The following GRM8 variants were observed in gnomAD, a reference collection of about 807,000 sequenced individuals.
GRM8 encodes the protein glutamate metabotropic receptor 8.
GRM8 carries 47 observed loss-of-function variants against 87.2 expected under a neutral mutation model. The ratio of observed to expected loss-of-function variants is 0.54; its 90% CI spans 0.43 to 0.69. The LOEUF (loss-of-function observed/expected upper bound fraction) is 0.69, where lower values mean the gene tolerates loss of function less well. GRM8 is among the 30% of genes least tolerant of loss of function. The pLI is 0.00. For synonymous variants in GRM8, 396 were observed against 404.5 expected (o/e 0.98, Z 0.25); for missense variants, 1,019 against 1,139.2 (o/e 0.89, Z 1.52).
intron 8 of GRM8, among the ~76,000 whole-genome samples, chr7:126,536,655 A>G (rs980289451): frequency 1.3e-5 from 2 of 152,152 alleles, no homozygotes; most frequent in African/African-American, 2.4e-5. Flanking sequence ...AAAAATACTG[A>G]GAAAAAAAAT....
chr7:126,904,094 T>C lies in GRM8; in HGVS notation c.896A>G (p.Gln299Arg), dbSNP rs1802438434. Residue 299 changes from glutamine to arginine, a missense_variant, in exon 5 of 11, where the codon CAA (glutamine) becomes CGA (arginine). Coordinates refer to ENST00000339582, the MANE Select transcript of GRM8 (RefSeq NM_000845.3). ...RILEAAKKLN[Q>R]SGHFLWIGSD... is the part of the protein sequence containing the mutation. ...GCCAATCCAGAGAAAATGCCCACTT[T>C]GGTTTAGTTTTTTTGCTGCTTCCAA... 2 of 1,612,404 alleles carry C rather than the reference T, an allele frequency of 1.2e-6. No homozygotes were observed. Among genetic ancestry groups the C allele is most frequent in the Non-Finnish European group, 1.7e-6 (2 of 1,178,936 alleles).
chr7:126,452,414 C>T (rs995700967), intron 9 of GRM8, among the ~76,000 whole-genome samples: 4 of 141,438 alleles, frequency 2.8e-5, no homozygotes, highest in East Asian at 2.1e-4. Context: ...GCACACGTAC[C>T]GTAAAACTTA....
intron 7 of GRM8, among the ~76,000 whole-genome samples, chr7:126,759,055 G>A (rs1040360425): frequency 1.3e-5 from 2 of 151,718 alleles, no homozygotes; most frequent in Non-Finnish European, 2.9e-5. Flanking sequence ...GCATCACCAC[G>A]CCGGGCTAAT....
At chr7:126,578,946 T>C (rs1253697241) in intron 8 of GRM8, among the ~76,000 whole-genome samples, 3 of 152,120 alleles carry the variant, frequency 2.0e-5, no homozygotes, top group Non-Finnish European at 2.9e-5. Context: ...TACAAGGAAA[T>C]TTTTCACATT....
rs1226654409 is a variant in GRM8, at chr7:126,903,974, T to A, written c.1016A>T (p.Asp339Val). Residue 339 changes from aspartate to valine, a missense_variant and splice_region_variant, in exon 5 of 11, where the codon GAT becomes GTT. By Grantham distance (152) the Asp-to-Val change is radical (BLOSUM62 -3). Coordinates refer to ENST00000339582, the MANE Select transcript of GRM8 (RefSeq NM_000845.3). ...VTILPKRASI[D>V]GFDRYFRSRT... ...AATTCTCTATGGTGCATTCTTACCA[T>A]CAATTGATGCTCGTTTGGGCAAAAT... The A allele has an allele frequency of 6.9e-7, 1 of 1,451,176 alleles. No homozygotes were observed. The highest frequency in any genetic ancestry group is 1.7e-5 in the Admixed American group (1 of 58,632). The allele number at this position is 1,451,176 out of a possible 1,614,324, so 89.9% of individuals were successfully genotyped here.
chr7:126,457,422 C>T (rs1330363140), intron 9 of GRM8, among the ~76,000 whole-genome samples: 1 of 151,120 alleles, frequency 6.6e-6, no homozygotes, highest in Non-Finnish European at 1.5e-5. Flanking sequence ...TTAAATTGTA[C>T]AGAAAAAAAT....
At chr7:127,155,522 C>G (rs1792667401) in intron 2 of GRM8, among the ~76,000 whole-genome samples, 2 of 152,136 alleles carry the variant, frequency 1.3e-5, no homozygotes, top group African/African-American at 4.8e-5. Context: ...GAATGTCTTT[C>G]TAAACCATCA....
chr7:126,892,221 C>T (rs961861796), intron 6 of GRM8, among the ~76,000 whole-genome samples: 2 of 151,842 alleles, frequency 1.3e-5, no homozygotes, highest in African/African-American at 2.4e-5. Context: ...TATACATGTG[C>T]CATGCTGGTG....
intron 2 of GRM8, among the ~76,000 whole-genome samples, chr7:127,147,870 A>G (rs1722065248): frequency 6.6e-6 from 1 of 152,084 alleles, no homozygotes; most frequent in Non-Finnish European, 1.5e-5. Flanking sequence ...ATAAATAAAA[A>G]TTAGTATAGA....
At chr7:126,540,678 A>G (rs1331518371) in intron 8 of GRM8, among the ~76,000 whole-genome samples, 1 of 152,234 alleles carries the variant, frequency 6.6e-6, no homozygotes, top group East Asian at 1.9e-4. Flanking sequence ...AAAGCAGCTA[A>G]TCACAAAATA....
intron 7 of GRM8, among the ~76,000 whole-genome samples, chr7:126,763,645 T>C (rs989877507): frequency 2.6e-5 from 4 of 151,772 alleles, no homozygotes; most frequent in African/African-American, 7.2e-5. Flanking sequence ...ATTAGTTTCA[T>C]ACTGGATTGA....
At chr7:126,875,119 A>G (rs1312586835) in intron 6 of GRM8, among the ~76,000 whole-genome samples, 1 of 152,134 alleles carries the variant, frequency 6.6e-6, no homozygotes, top group East Asian at 1.9e-4. Flanking sequence ...AGATACTTCA[A>G]ACTAATTTAG....
chr7:126,788,186 G>A (rs1820831646), intron 6 of GRM8, among the ~76,000 whole-genome samples: 1 of 151,788 alleles, frequency 6.6e-6, no homozygotes, highest in Non-Finnish European at 1.5e-5. Flanking sequence ...AAGGAGGGAG[G>A]ATTACCTGAG....
rs188512569 is a variant in GRM8, at chr7:127,084,253, A to C, written c.727+22243T>G. On this transcript the variant is annotated intron_variant, in intron 3 of 10. Transcript: ENST00000339582. ...AGAGTTGGTGGGCAAGGCAGAATGGATTGGTAGAATATTAAAAATAGAGCG... is the reference window on the plus strand; with the variant it reads ...AGAGTTGGTGGGCAAGGCAGAATGGCTTGGTAGAATATTAAAAATAGAGCG... The C allele has an allele frequency of 7.9e-5, 12 of 152,316 alleles. No homozygotes were observed. In the South Asian group the frequency reaches 2.1e-3, roughly 26 times the overall value. 9.4% of individuals were successfully genotyped at this position (152,316 alleles called of 1,614,324 possible).
intron 3 of GRM8, among the ~76,000 whole-genome samples, chr7:127,012,740 T>G (rs1815020799): frequency 6.6e-6 from 1 of 152,166 alleles, no homozygotes; most frequent in Non-Finnish European, 1.5e-5. Flanking sequence ...GAAGCTATTT[T>G]TAATATTCTG....
intron 3 of GRM8, among the ~76,000 whole-genome samples, chr7:126,987,634 G>T (rs931329372): frequency 6.6e-6 from 1 of 151,856 alleles, no homozygotes; most frequent in Non-Finnish European, 1.5e-5. Context: ...CTAATTTTTT[G>T]TATTTTTTTT....
At chr7:126,615,309 G>C (rs376400780) in intron 7 of GRM8, among the ~76,000 whole-genome samples, 8 of 151,908 alleles carry the variant, frequency 5.3e-5, no homozygotes, top group African/African-American at 7.3e-5. Context: ...AAATCCTTTA[G>C]AGACAAGCAA....
At chr7:126,705,386 C>A (rs1810386456) in intron 7 of GRM8, among the ~76,000 whole-genome samples, 1 of 152,092 alleles carries the variant, frequency 6.6e-6, no homozygotes, top group South Asian at 2.1e-4. Flanking sequence ...ACCATTGTGG[C>A]TGAGGTTGAT....
chr7:127,238,773 A>T (rs1234143679), intron 2 of GRM8, among the ~76,000 whole-genome samples: 1 of 152,256 alleles, frequency 6.6e-6, no homozygotes, highest in African/African-American at 2.4e-5. Context: ...AAACAAAGAT[A>T]GGATGACACC....
Sources: allele counts gnomAD v4.1 joint callset (sites outside exome capture counted in the v4.1 genomes callset), GRCh38; gene constraint gnomAD v4.1.1; transcripts MANE v1.5; gene names NCBI Gene and HGNC (gene_info 2026-07-23, HGNC 2026-07-21).